TENM3: variants seen among roughly 807,000 people sequenced by gnomAD.
TENM3 encodes the protein teneurin transmembrane protein 3, also known as teneurin-3.
A neutral mutation model predicts 255.1 loss-of-function variants in TENM3; 63 were observed. The ratio of observed to expected loss-of-function variants is 0.25; its 90% CI spans 0.20 to 0.30. The LOEUF is 0.30. TENM3 is among the 10% of genes least tolerant of loss of function. The pLI is 1.00. For missense variants in TENM3, 2,929 were observed against 3,461.1 expected (o/e 0.85, Z 3.86); for synonymous variants, 1,306 against 1,322.3 (o/e 0.99, Z 0.27).
At chr4:182,216,999 C>T (rs1579767286) in intron 1 of TENM3, among the ~76,000 whole-genome samples, 1 of 129,148 alleles carries the variant, frequency 7.7e-6, no homozygotes, top group Middle Eastern at 3.7e-3. Context: ...ATTTCACCAT[C>T]ATTTTCTTTC....
chr4:181,966,142 C>T, the TENM3 span, among the ~76,000 whole-genome samples: 1 of 152,170 alleles, frequency 6.6e-6, no homozygotes, highest in African/African-American at 2.4e-5. Context: ...TTATTTTTGA[C>T]ACCCGATGAA....
the TENM3 span, among the ~76,000 whole-genome samples, chr4:181,538,144 A>C: frequency 6.6e-6 from 1 of 152,168 alleles, no homozygotes; most frequent in Non-Finnish European, 1.5e-5. Context: ...AAGTATTTCC[A>C]ATATTAATAA....
At chr4:182,033,557 G>A in the TENM3 span, among the ~76,000 whole-genome samples, 1 of 152,144 alleles carries the variant, frequency 6.6e-6, no homozygotes, top group Non-Finnish European at 1.5e-5. Flanking sequence ...AGGTCCACTT[G>A]ATCCAGAGCT....
intron 3 of TENM3, among the ~76,000 whole-genome samples, chr4:182,516,311 C>T (rs1028076766): frequency 6.6e-6 from 1 of 152,148 alleles, no homozygotes; most frequent in African/African-American, 2.4e-5. Context: ...TAATGAGTGT[C>T]GAAATCCTTT....
chr4:181,955,778 G>A, the TENM3 span, among the ~76,000 whole-genome samples: 4 of 152,268 alleles, frequency 2.6e-5, no homozygotes, highest in Non-Finnish European at 4.4e-5. Context: ...ATCTTGCATA[G>A]GGTCACTGCT....
chr4:182,751,129 T>C (rs955585478), intron 19 of TENM3, among the ~76,000 whole-genome samples: 3 of 152,194 alleles, frequency 2.0e-5, no homozygotes, highest in Non-Finnish European at 4.4e-5. Flanking sequence ...CAGCTCAGTA[T>C]ACAAACTTTG....
chr4:182,461,945 C>G (rs927673733), intron 3 of TENM3, among the ~76,000 whole-genome samples: 6 of 152,188 alleles, frequency 3.9e-5, no homozygotes, highest in Non-Finnish European at 7.3e-5. Flanking sequence ...CAGGTCATTA[C>G]TATTAGCGTG....
chr4:182,295,602 A>T (rs1309187794), intron 1 of TENM3, among the ~76,000 whole-genome samples: 1 of 152,090 alleles, frequency 6.6e-6, no homozygotes, highest in African/African-American at 2.4e-5. Context: ...ATATTTTAAG[A>T]TTCTAACCCT....
At chr4:182,787,390 G>A (rs1404230843) in intron 24 of TENM3, among the ~76,000 whole-genome samples, 2 of 152,076 alleles carry the variant, frequency 1.3e-5, no homozygotes, top group African/African-American at 2.4e-5. Context: ...GCTGTGACAC[G>A]GTGTTGTGGG....
the TENM3 span, chr4:181,522,918 G>C: frequency 1.1e-6 from 1 of 880,104 alleles, no homozygotes; most frequent in South Asian, 1.3e-5. Context: ...TGTTGTGCTG[G>C]TTATTTCCAG....
At chr4:181,592,334 CT>C in the TENM3 span, among the ~76,000 whole-genome samples, 13,956 of 137,108 alleles carry the variant, frequency 0.1, 788 homozygotes, top group South Asian at 0.13. Context: ...CCATATGGCT[CT>C]TTTTTTTTTT....
intron 7 of TENM3, among the ~76,000 whole-genome samples, chr4:182,674,051 A>G (rs988386619): frequency 6.6e-6 from 1 of 152,230 alleles, no homozygotes; most frequent in African/African-American, 2.4e-5. Flanking sequence ...AAGATCAACT[A>G]TTACGTTAGT....
At chr4:182,149,337 C>T (rs1489051544) in intron 1 of TENM3, among the ~76,000 whole-genome samples, 2 of 151,952 alleles carry the variant, frequency 1.3e-5, no homozygotes, top group Non-Finnish European at 2.9e-5. Flanking sequence ...ACTGAAACTA[C>T]AATAGGATTC....
chr4:182,361,918 A>T (rs1167256048), intron 3 of TENM3, among the ~76,000 whole-genome samples: 2 of 151,998 alleles, frequency 1.3e-5, no homozygotes, highest in Non-Finnish European at 2.9e-5. Context: ...TTTCTGTTTG[A>T]TAGCTTTCCT....
chr4:181,853,481 A>T, the TENM3 span, among the ~76,000 whole-genome samples: 1 of 152,350 alleles, frequency 6.6e-6, no homozygotes, highest in Admixed American at 6.5e-5. Context: ...TATAACGGCA[A>T]TCTCAAAACA....
chr4:182,748,108 T>C (rs1045032536), intron 19 of TENM3, among the ~76,000 whole-genome samples: 11 of 152,222 alleles, frequency 7.2e-5, no homozygotes, highest in African/African-American at 2.7e-4. Context: ...GATCTGTGTC[T>C]AATTGAATGA....
At chr4:182,091,121 A>C in the TENM3 span, among the ~76,000 whole-genome samples, 6 of 152,206 alleles carry the variant, frequency 3.9e-5, no homozygotes, top group Admixed American at 3.9e-4. Context: ...CAGAATGGAG[A>C]AAAGTAGAAA....
At chr4:182,161,784 CAA>C (rs1174056762) in intron 1 of TENM3, among the ~76,000 whole-genome samples, 7,767 of 13,006 alleles carry the variant, frequency 0.6, 2,038 homozygotes, top group Admixed American at 0.71. Flanking sequence ...TATATATACA[CAA>C]ATATATGTAT....
At chr4:182,035,325 C>A in the TENM3 span, among the ~76,000 whole-genome samples, 7 of 152,110 alleles carry the variant, frequency 4.6e-5, no homozygotes. Context: ...TTAAAAATAC[C>A]AGCAGGATAA....
Sources: allele counts gnomAD v4.1 joint callset (sites outside exome capture counted in the v4.1 genomes callset), GRCh38; gene constraint gnomAD v4.1.1; transcripts MANE v1.5; gene names NCBI Gene and HGNC (gene_info 2026-07-23, HGNC 2026-07-21).